Variants in ZNF431 observed in about 807,000 individuals in gnomAD.
The protein encoded by ZNF431 is zinc finger protein 431.
Under a neutral mutation model 57.0 loss-of-function variants are expected in ZNF431, and 34 were observed. That is an observed-to-expected ratio of 0.60 (90% confidence interval 0.45 to 0.79). The LOEUF (loss-of-function observed/expected upper bound fraction) is 0.79, where lower values mean the gene tolerates loss of function less well. ZNF431 is among the 30% of genes least tolerant of loss of function. The pLI is 0.00. For missense variants in ZNF431, 607 were observed against 667.1 expected, an observed-to-expected ratio of 0.91 and a Z score of 0.99; for synonymous variants, 207 against 220.3, an observed-to-expected ratio of 0.94 and a Z score of 0.54.
At chr19:21,154,500 A>C (rs1970365762) in intron 2 of ZNF431, among the ~76,000 whole-genome samples, 1 of 152,222 alleles carries the variant, frequency 6.6e-6, no homozygotes, top group African/African-American at 2.4e-5. Flanking sequence ...GTGTCTTTAT[A>C]GCAGCATGAT....
chr19:21,142,339 C>T lies in ZNF431; in HGVS notation c.3+153C>T, dbSNP rs183162673. ...CCAGCTCGGCCTCAGTCCCCTCCAG[C>T]CATAAGATGGCGGCTGTGCTGACAG... On this transcript the variant is annotated intron_variant, in intron 1 of 4. Coordinates refer to ENST00000311048, the MANE Select transcript of ZNF431 (RefSeq NM_133473.4). Among the ~76,000 whole-genome samples, 52 of 152,332 alleles carry T rather than the reference C, an allele frequency of 3.4e-4. 1 individual carries two copies. The East Asian group carries it at 9.9e-3, about 29-fold the overall frequency.
chr19:21,189,934 A>T lies in ZNF431; in HGVS notation c.*5900A>T. The T allele has an allele frequency of 2.5e-6, 1 of 397,940 alleles. No homozygotes were observed. Among genetic ancestry groups the T allele is most frequent in the Non-Finnish European group, 4.4e-6 (1 of 226,054 alleles). The allele number at this position is 397,940 out of a possible 1,614,324, so 24.7% of individuals were successfully genotyped here. ...CAAGGCCAGTGGATTGCTTGAGCCCAGGAGTTTGAGACCAGCCTGGACAAC... is the reference window on the plus strand; with the variant it reads ...CAAGGCCAGTGGATTGCTTGAGCCCTGGAGTTTGAGACCAGCCTGGACAAC... On this transcript the variant is annotated 3_prime_UTR_variant, in exon 5 of 5. Transcript: ENST00000311048.
chr19:21,169,424 T>G (rs2145003842), intron 4 of ZNF431, among the ~76,000 whole-genome samples: 1 of 152,292 alleles, frequency 6.6e-6, no homozygotes, highest in East Asian at 1.9e-4. Flanking sequence ...ATCTGTGAAT[T>G]TGAAGGAGCA....
chr19:21,177,603 A>G (rs1263347261), intron 4 of ZNF431, among the ~76,000 whole-genome samples: 1 of 152,148 alleles, frequency 6.6e-6, no homozygotes, highest in Non-Finnish European at 1.5e-5. Context: ...CCTGGCTAAC[A>G]TAGTGAAACC....
rs1397661300 is a variant in ZNF431, at chr19:21,173,643, A to G, written c.319+5977A>G. On this transcript the variant is annotated intron_variant, in intron 4 of 4. Transcript: ENST00000311048. ...TGGGTTCCATAAATTCTCCTGCCTCAGCCTCCTGAGTAGCTGAGGTTACAG... is the reference window on the plus strand; with the variant it reads ...TGGGTTCCATAAATTCTCCTGCCTCGGCCTCCTGAGTAGCTGAGGTTACAG... Among the ~76,000 whole-genome samples, 9 of 152,142 alleles carry G rather than the reference A, an allele frequency of 5.9e-5. No individual in the cohort carries two copies. In the South Asian group the frequency reaches 1.7e-3, roughly 28 times the overall value.
Position 21,156,591 on chromosome 19 carries a change from T to G in ZNF431, c.97-9744T>G, listed in dbSNP as rs1376018993. Among the ~76,000 whole-genome samples the G allele has an allele frequency of 2.6e-5, 4 of 152,304 alleles. No individual in the cohort carries two copies. In the South Asian group the frequency reaches 8.3e-4, roughly 32 times the overall value. ...TCTTTGTGTCCATGTGTTATTATTA[T>G]TTAGCTCTTATAAATGATAGCATGC... is the stretch of plus-strand genomic sequence containing the variant. On this transcript the variant is annotated intron_variant, in intron 2 of 4. Coordinates refer to ENST00000311048, the MANE Select transcript of ZNF431 (RefSeq NM_133473.4).
intron 4 of ZNF431, among the ~76,000 whole-genome samples, chr19:21,179,797 T>C (rs1971163460): frequency 6.6e-6 from 1 of 152,018 alleles, no homozygotes; most frequent in South Asian, 2.1e-4. Flanking sequence ...CGACCTCAGG[T>C]GATCTGTCCG....
At chr19:21,150,815 T>G (rs1568296902) in intron 2 of ZNF431, among the ~76,000 whole-genome samples, 1 of 152,194 alleles carries the variant, frequency 6.6e-6, no homozygotes, top group Non-Finnish European at 1.5e-5. Context: ...TCTTTTATAA[T>G]GTGAAGTAAT....
rs148749820 is a variant in ZNF431, at chr19:21,160,458, T to C, written c.97-5877T>C. Among the ~76,000 whole-genome samples the C allele has an allele frequency of 4.7e-3, 719 of 152,282 alleles. 6 individuals are homozygous for C. The highest frequency in any genetic ancestry group is 0.016 in the African/African-American group (669 of 41,548). On this transcript the variant is annotated intron_variant, in intron 2 of 4. Coordinates refer to ENST00000311048, the MANE Select transcript of ZNF431 (RefSeq NM_133473.4). ...TAAAATGTCATGCTGGAGCAGAGTA[T>C]TCTTGTCCTTCCTCTTACCCAAAAG...
chr19:21,158,232 C>T (rs1262925146), intron 2 of ZNF431, among the ~76,000 whole-genome samples: 1 of 151,976 alleles, frequency 6.6e-6, no homozygotes, highest in Non-Finnish European at 1.5e-5. Context: ...GAGTCTTGCT[C>T]TGTCACCCAG....
chr19:21,174,097 A>G (rs1970983101), intron 4 of ZNF431, among the ~76,000 whole-genome samples: 1 of 151,670 alleles, frequency 6.6e-6, no homozygotes, highest in Non-Finnish European at 1.5e-5. Context: ...AGGCGCCAAA[A>G]TTACTCTTTG....
At chr19:21,173,472 T>G (rs1263405868) in intron 4 of ZNF431, among the ~76,000 whole-genome samples, 2 of 152,232 alleles carry the variant, frequency 1.3e-5, no homozygotes, top group African/African-American at 4.8e-5. Flanking sequence ...AGTATATTTT[T>G]AAACATATAG....
At position 21,173,650 on chromosome 19, in the gene ZNF431, T is replaced by C. The variant is rs376873489; in HGVS notation, c.319+5984T>C. ...CATAAATTCTCCTGCCTCAGCCTCCTGAGTAGCTGAGGTTACAGGTGCCCG... is the reference window on the plus strand; with the variant it reads ...CATAAATTCTCCTGCCTCAGCCTCCCGAGTAGCTGAGGTTACAGGTGCCCG... On this transcript the variant is annotated intron_variant, in intron 4 of 4. Transcript: ENST00000311048. 1.5e-3 allele frequency among the ~76,000 whole-genome samples: 223 copies of C among 152,060 alleles called. 1 individual carries two copies. The highest frequency in any genetic ancestry group is 5.1e-3 in the African/African-American group (213 of 41,504).
At position 21,192,855 on chromosome 19, in the gene ZNF431, T is replaced by C. The variant is rs371981383; in HGVS notation, c.*8821T>C. The C allele has an allele frequency of 1.1e-4, 16 of 152,210 alleles. 1 individual carries two copies. The highest frequency in any genetic ancestry group is 5.9e-4 in the Admixed American group (9 of 15,284). 9.4% of individuals were successfully genotyped at this position (152,210 alleles called of 1,614,324 possible). A position where few individuals can be genotyped will look rare whatever the true frequency, so the allele number is the denominator to read the frequency against. ...CATCCATTTTTTTCTCTTTGCACTC[T>C]GCATATATTTAAGTTTTAGAGATGT... On this transcript the variant is annotated 3_prime_UTR_variant, in exon 5 of 5. Coordinates refer to ENST00000311048, the MANE Select transcript of ZNF431 (RefSeq NM_133473.4).
Position 21,143,245 on chromosome 19 carries a change from A to T in ZNF431, c.4-306A>T, listed in dbSNP as rs192611416. On this transcript the variant is annotated intron_variant, in intron 1 of 4. Transcript: ENST00000311048. Reference sequence around the variant, plus strand: ...CAAAAAGTTTTTTAAAAGATTTTTTAAAAAAAATATCTGTAAATATTTCCC... The same window carrying T: ...CAAAAAGTTTTTTAAAAGATTTTTTTAAAAAAATATCTGTAAATATTTCCC... 6.2e-4 allele frequency among the ~76,000 whole-genome samples: 95 copies of T among 152,150 alleles called. No individual in the cohort carries two copies. The South Asian group carries it at 7.1e-3, about 11-fold the overall frequency.
chr19:21,147,024 C>T (rs1347867449), intron 2 of ZNF431, among the ~76,000 whole-genome samples: 1 of 152,216 alleles, frequency 6.6e-6, no homozygotes, highest in African/African-American at 2.4e-5. Flanking sequence ...GGATCAGTGA[C>T]ATTTTATGTG....
chr19:21,183,029 A>G lies in ZNF431; in HGVS notation c.726A>G (p.Lys242=), dbSNP rs747510702. 1.0e-4 allele frequency: 165 copies of G among 1,612,348 alleles called. No homozygotes were observed. Among genetic ancestry groups the G allele is most frequent in the Middle Eastern group, 3.3e-4 (2 of 6,070 alleles). The change falls in exon 5 of 5, where the codon AAA becomes AAG. Residue 242 remains lysine (K), a synonymous_variant. Coordinates refer to ENST00000311048, the MANE Select transcript of ZNF431 (RefSeq NM_133473.4). The part of the protein sequence containing the change: ...YQCEECGKAF[K]WFSTLTRHKR... Reference sequence around the variant, plus strand: ...GTGAAGAATGTGGCAAAGCTTTTAAATGGTTCTCAACCCTTACTAGACACA... The same window carrying G: ...GTGAAGAATGTGGCAAAGCTTTTAAGTGGTTCTCAACCCTTACTAGACACA...
chr19:21,147,381 T>C (rs1970130956), intron 2 of ZNF431, among the ~76,000 whole-genome samples: 1 of 152,010 alleles, frequency 6.6e-6, no homozygotes, highest in Non-Finnish European at 1.5e-5. Context: ...CCCAGCCTAG[T>C]TGGGAGGCTG....
At chr19:21,148,951 AT>A (rs1970188632) in intron 2 of ZNF431, among the ~76,000 whole-genome samples, 1 of 152,192 alleles carries the variant, frequency 6.6e-6, no homozygotes, top group South Asian at 2.1e-4. Flanking sequence ...AGAAGTCTTA[AT>A]TTAAGAGGCC....
Sources: gnomAD v4.1 joint callset for allele counts (sites outside exome capture counted in the v4.1 genomes callset) on GRCh38, gnomAD v4.1.1 for gene constraint, MANE v1.5 for transcripts, NCBI Gene and HGNC (gene_info 2026-07-23, HGNC 2026-07-21) for gene names.